Variants in BRWD3 observed in about 807,000 individuals in gnomAD.
BRWD3 encodes bromodomain and WD repeat domain containing 3, also known as bromodomain and WD repeat-containing protein 3.
In BRWD3, 10 loss-of-function variants were observed where a neutral mutation model predicts 149.7. That is an observed-to-expected ratio of 0.07 (90% CI 0.04 to 0.11). The LOEUF is 0.11. BRWD3 is among the 10% of genes least tolerant of loss of function. The probability of loss-of-function intolerance (pLI) is 1.00; values close to 1 mark genes in which losing one functional copy is unlikely to be tolerated. For synonymous variants in BRWD3, 504 were observed against 456.7 expected, an observed-to-expected ratio of 1.10 and a Z score of -1.32; for missense variants, 940 against 1,373.2, an observed-to-expected ratio of 0.68 and a Z score of 4.99.
In BRWD3 at chrX:80,687,988, C is replaced by T. The variant is rs1277877517; in HGVS notation, c.3864+81G>A. The T allele has an allele frequency of 8.3e-6, 6 of 726,652 alleles. No homozygotes were observed. In the Admixed American group the frequency reaches 1.4e-4, roughly 17 times the overall value. 59.9% of individuals were successfully genotyped at this position (726,652 alleles called of 1,213,427 possible). Reference sequence around the variant, plus strand: ...TGCAAGAATCCTTCTAGCAATTCTCCAAATATGGGGTTGGTCTTAGGGATC... The same window carrying T: ...TGCAAGAATCCTTCTAGCAATTCTCTAAATATGGGGTTGGTCTTAGGGATC... On this transcript the variant is annotated intron_variant, in intron 34 of 40. Transcript: ENST00000373275.
chrX:80,693,186 A>T (rs1206784343), intron 27 of BRWD3, 135 bp from the exon 28 acceptor site: 2 of 473,390 alleles, frequency 4.2e-6, no homozygotes, highest in Non-Finnish European at 7.4e-6. Context: ...GGTTTTCGGG[A>T]TAAGTGATTA....
At chrX:80,753,266 T>G in intron 6 of BRWD3, among the ~76,000 whole-genome samples, 1 of 93,931 alleles carries the variant, frequency 1.1e-5, no homozygotes, top group East Asian at 3.5e-4. Flanking sequence ...TTGCCTGTGC[T>G]TTTCAGTTTT....
rs1465373602 is a variant in BRWD3 at position 80,699,917 on chromosome X, G to A, written c.2943+40C>T. 6 of 1,025,876 alleles carry A rather than the reference G, an allele frequency of 5.8e-6. No homozygotes were observed. The Admixed American group carries it at 9.3e-5, about 16-fold the overall frequency. The allele number at this position is 1,025,876 out of a possible 1,213,427, so 84.5% of individuals were successfully genotyped here. A position where few individuals can be genotyped will look rare whatever the true frequency, so the allele number is the denominator to read the frequency against. Reference sequence around the variant, plus strand: ...CATGGGTAAGCAATTTAATTCCAAAGCTACTTCCATTGCATAGCTTATGAA... The same window carrying A: ...CATGGGTAAGCAATTTAATTCCAAAACTACTTCCATTGCATAGCTTATGAA... On this transcript the variant is annotated intron_variant, in intron 25 of 40. Coordinates refer to ENST00000373275, the MANE Select transcript of BRWD3 (RefSeq NM_153252.5).
chrX:80,746,443 C>T (rs1397019815), intron 6 of BRWD3, among the ~76,000 whole-genome samples: 1 of 110,048 alleles, frequency 9.1e-6, no homozygotes, highest in Non-Finnish European at 1.9e-5. Context: ...AAAAAAAAGC[C>T]ATAACATAGC....
At chrX:80,735,838 T>C (rs1213488486) in intron 9 of BRWD3, 150 bp downstream of exon 9, 1 of 358,716 alleles carries the variant, frequency 2.8e-6, no homozygotes, top group Non-Finnish European at 4.8e-6. Flanking sequence ...TAAAATCTCT[T>C]AACAACCTAT....
At chrX:80,724,831 T>C in intron 15 of BRWD3, 102 bp downstream of exon 15, 1 of 937,413 alleles carries the variant, frequency 1.1e-6, no homozygotes, top group South Asian at 2.0e-5. Context: ...TAAACACATA[T>C]GACAAGAGGT....
At chrX:80,684,393 A>G (rs2072494274) in intron 36 of BRWD3, among the ~76,000 whole-genome samples, 1 of 111,908 alleles carries the variant, frequency 8.9e-6, no homozygotes, top group South Asian at 3.7e-4. Flanking sequence ...ATAACTATGA[A>G]GGTAAAGAAT....
Position 80,751,981 on chromosome X carries a change from C to CATTATT in BRWD3, c.431-6258_431-6253dup, listed in dbSNP as rs199879142. On this transcript the variant is annotated intron_variant, in intron 6 of 40. Transcript: ENST00000373275. ...TTATTTTTTCAATTTATTCATATTT[C>CATTATT]ATTATTATTATTATTATTATTATTA... 9.2e-3 allele frequency among the ~76,000 whole-genome samples: 806 copies of CATTATT among 87,724 alleles called. 8 individuals are homozygous for CATTATT. Among genetic ancestry groups the CATTATT allele is most frequent in the African/African-American group, 0.029 (690 of 23,947 alleles). 76.2% of individuals were successfully genotyped at this position (87,724 alleles called of 115,157 possible).
chrX:80,763,767 G>A (rs2073827652), intron 6 of BRWD3, among the ~76,000 whole-genome samples: 1 of 112,011 alleles, frequency 8.9e-6, no homozygotes, highest in Admixed American at 9.5e-5. Flanking sequence ...ACTATACTAT[G>A]TTCATGGATT....
At chrX:80,682,852 C>T in intron 37 of BRWD3, among the ~76,000 whole-genome samples, 1 of 111,323 alleles carries the variant, frequency 9.0e-6, no homozygotes, top group East Asian at 2.8e-4. Context: ...GACTCTGATA[C>T]AATGCAAGAG....
intron 6 of BRWD3, among the ~76,000 whole-genome samples, chrX:80,788,111 A>G (rs1314092030): frequency 9.8e-6 from 1 of 101,951 alleles, no homozygotes; most frequent in Non-Finnish European, 2.0e-5. Context: ...TAAATAAATA[A>G]ATAAATAAAT....
intron 14 of BRWD3, among the ~76,000 whole-genome samples, 198 bp downstream of exon 14, chrX:80,728,554 G>T (rs1022403004): frequency 1.8e-5 from 2 of 111,363 alleles, no homozygotes; most frequent in Non-Finnish European, 3.8e-5. Flanking sequence ...ATCTTGAAAA[G>T]ATTTCATACT....
In BRWD3 at chrX:80,697,968, CTGTT is replaced by C. The variant is rs775834359; in HGVS notation, c.2944-1109_2944-1106del. 7.1e-5 allele frequency among the ~76,000 whole-genome samples: 8 copies of C among 112,207 alleles called. No individual in the cohort carries two copies. In the East Asian group the frequency reaches 8.5e-4, roughly 12 times the overall value. On this transcript the variant is annotated intron_variant, in intron 25 of 40. Coordinates refer to ENST00000373275, the MANE Select transcript of BRWD3 (RefSeq NM_153252.5). The stretch of plus-strand genomic sequence containing the variant: ...CCTTTCTCCACAACCTCACAAGCAT[CTGTT>C]TGTTTGTTTTGAATTTTTAATAATA...
At chrX:80,808,982 C>T (rs2074380623) in intron 3 of BRWD3, 31 bp downstream of exon 3, 1 of 1,193,049 alleles carries the variant, frequency 8.4e-7, no homozygotes, top group Non-Finnish European at 1.1e-6. Flanking sequence ...TCACCTCAAC[C>T]CTCCCCACCC....
chrX:80,733,582 A>C, intron 11 of BRWD3, 86 bp from the exon 12 acceptor site: 2 of 753,616 alleles, frequency 2.7e-6, no homozygotes, highest in Non-Finnish European at 4.0e-6. Context: ...ATAGGCAAAA[A>C]CATCATGAAG....
In BRWD3 at chrX:80,800,896, A is replaced by T. The variant is rs1017855085; in HGVS notation, c.181-7124T>A. On this transcript the variant is annotated intron_variant, in intron 4 of 40. Transcript: ENST00000373275. ...TTTTATTAGTTTTAAGATTTCCTCAAGAAAGAGACCACCAGAAGCGACCCT... is the reference window on the plus strand; with the variant it reads ...TTTTATTAGTTTTAAGATTTCCTCATGAAAGAGACCACCAGAAGCGACCCT... Among the ~76,000 whole-genome samples, 9 of 110,934 alleles carry T rather than the reference A, an allele frequency of 8.1e-5. 1 individual carries two copies. Among genetic ancestry groups the T allele is most frequent in the African/African-American group, 2.6e-4 (8 of 30,485 alleles).
At chrX:80,723,645 C>A (rs1360740477) in intron 16 of BRWD3, 103 bp downstream of exon 16, 13 of 863,225 alleles carry the variant, frequency 1.5e-5, no homozygotes, top group Non-Finnish European at 1.8e-5. Flanking sequence ...TATTTTGTAT[C>A]TATTGACACA....
intron 22 of BRWD3, among the ~76,000 whole-genome samples, chrX:80,706,270 G>A (rs1036893866): frequency 1.8e-5 from 2 of 110,346 alleles, no homozygotes; most frequent in Non-Finnish European, 3.8e-5. Flanking sequence ...CACCACATCC[G>A]GGTAATTTTT....
chrX:80,724,983 A>T lies in BRWD3; in HGVS notation c.1471T>A (p.Phe491Ile). The T allele has an allele frequency of 8.3e-7, 1 of 1,210,346 alleles. No homozygotes were observed. Among genetic ancestry groups the T allele is most frequent in the South Asian group, 1.8e-5 (1 of 56,965 alleles). The change falls in exon 15 of 41, where the codon TTT (phenylalanine) becomes ATT (isoleucine). Residue 491 changes from phenylalanine (F) to isoleucine (I), a missense_variant. Physicochemically the swap from Phe to Ile is conservative, Grantham distance 21. Around this residue, in one of 6 missense-constraint regions of BRWD3, gnomAD observed 209 missense variants for 396.8 expected, o/e 0.53. Coordinates refer to ENST00000373275, the MANE Select transcript of BRWD3 (RefSeq NM_153252.5). ...ILSAGHDGNIFIWDLDRGTKI... is the reference protein window; with the variant it reads ...ILSAGHDGNIIIWDLDRGTKI... Reference sequence around the variant, plus strand: ...GTCCCCCGGTCAAGGTCCCAAATAAAAATGTTCCCATCATGACCTGCTGAA... The same window carrying T: ...GTCCCCCGGTCAAGGTCCCAAATAATAATGTTCCCATCATGACCTGCTGAA...
Sources: allele counts gnomAD v4.1 joint callset (sites outside exome capture counted in the v4.1 genomes callset), GRCh38; gene constraint gnomAD v4.1.1; regional missense constraint gnomAD v4.1.1; transcripts MANE v1.5; gene names NCBI Gene and HGNC (gene_info 2026-07-23, HGNC 2026-07-21).